RHOBTB1: variants seen among roughly 807,000 people sequenced by gnomAD.
RHOBTB1 encodes rho-related BTB domain-containing protein 1.
In RHOBTB1, 40 loss-of-function variants were observed where a neutral mutation model predicts 71.6. The observed-to-expected ratio is 0.56, with a 90% confidence interval of 0.43 to 0.73. RHOBTB1 has a LOEUF of 0.73. Ranked by LOEUF, RHOBTB1 falls within the 30% of genes least tolerant of loss-of-function variation. The pLI is 0.00. For synonymous variants in RHOBTB1, 319 were observed against 334.9 expected, an observed-to-expected ratio of 0.95 and a Z score of 0.52; for missense variants, 797 against 894.0, an observed-to-expected ratio of 0.89 and a Z score of 1.38.
chr10:60,937,668 A>C (rs1159952883), intron 2 of RHOBTB1, among the ~76,000 whole-genome samples: 1 of 152,214 alleles, frequency 6.6e-6, no homozygotes, highest in Admixed American at 6.5e-5. Flanking sequence ...TAGAGTGTGA[A>C]GAAAACAAGT....
At chr10:60,916,241 G>T (rs888465634) in intron 2 of RHOBTB1, among the ~76,000 whole-genome samples, 1 of 152,256 alleles carries the variant, frequency 6.6e-6, no homozygotes, top group South Asian at 2.1e-4. Context: ...CCACAAATCC[G>T]CCATGTGAGG....
At chr10:60,963,598 C>T (rs1351517047) in intron 2 of RHOBTB1, among the ~76,000 whole-genome samples, 1 of 152,122 alleles carries the variant, frequency 6.6e-6, no homozygotes, top group African/African-American at 2.4e-5. Flanking sequence ...ACCTTTAAAA[C>T]ATGAGGTCAT....
chr10:60,989,657 G>A (rs1279087844), intron 1 of RHOBTB1, among the ~76,000 whole-genome samples: 2 of 152,148 alleles, frequency 1.3e-5, no homozygotes, highest in African/African-American at 2.4e-5. Flanking sequence ...AGACAGTGAC[G>A]TCCACTTTGC....
chr10:60,924,955 C>T (rs1452924129), intron 2 of RHOBTB1, among the ~76,000 whole-genome samples: 4 of 152,170 alleles, frequency 2.6e-5, no homozygotes, highest in Non-Finnish European at 4.4e-5. Flanking sequence ...AGAGTTGGGG[C>T]TTGGTGGCAA....
chr10:60,915,494 T>C (rs897935557), intron 2 of RHOBTB1, among the ~76,000 whole-genome samples: 1 of 152,166 alleles, frequency 6.6e-6, no homozygotes, highest in Non-Finnish European at 1.5e-5. Flanking sequence ...TCTGCTACTA[T>C]GGCAGCTCTG....
At chr10:60,912,467 A>C (rs2083043470) in intron 2 of RHOBTB1, among the ~76,000 whole-genome samples, 1 of 152,106 alleles carries the variant, frequency 6.6e-6, no homozygotes, top group South Asian at 2.1e-4. Flanking sequence ...TCCTTATCTC[A>C]AGTGATCTCC....
intron 4 of RHOBTB1, among the ~76,000 whole-genome samples, chr10:60,899,771 A>G (rs1187496158): frequency 1.3e-5 from 2 of 152,246 alleles, no homozygotes; most frequent in Non-Finnish European, 2.9e-5. Flanking sequence ...TGATCTCATT[A>G]TGTTCACATT....
rs569657238 is a variant in RHOBTB1, at chr10:60,972,757, A to C, written c.-62+13088T>G. On this transcript the variant is annotated intron_variant, in intron 2 of 11. Transcript: ENST00000357917. ...CTAAGTATGATCATCAGCTTAGCAC[A>C]CAATACCAGTAGTGGTGGATTAAAT... Among the ~76,000 whole-genome samples, 265 of 152,234 alleles carry C rather than the reference A, an allele frequency of 1.7e-3. 1 individual carries two copies. Among genetic ancestry groups the C allele is most frequent in the African/African-American group, 5.6e-3 (233 of 41,578 alleles).
chr10:60,887,922 G>A (rs1306754488), intron 6 of RHOBTB1, among the ~76,000 whole-genome samples: 4 of 152,162 alleles, frequency 2.6e-5, no homozygotes, highest in Non-Finnish European at 5.9e-5. Flanking sequence ...ACCCACAAGA[G>A]CATGGGTTCA....
chr10:60,882,452 C>T (rs566509814), intron 7 of RHOBTB1, among the ~76,000 whole-genome samples: 2 of 152,168 alleles, frequency 1.3e-5, no homozygotes, highest in South Asian at 2.1e-4. Flanking sequence ...CTTACTGCTA[C>T]ATTAAAAGTA....
Position 60,933,096 on chromosome 10 carries a change from A to C in RHOBTB1, c.-11+8708T>G, listed in dbSNP as rs185342246. ...GTTTTCACAGCAACGTTAGACCATA[A>C]ATGCAAAAGTGCTGGTGGAAAATTA... On this transcript the variant is annotated intron_variant, in intron 2 of 10. Transcript: ENST00000337910. Among the ~76,000 whole-genome samples, 306 of 152,340 alleles carry C rather than the reference A, an allele frequency of 2.0e-3. 1 individual carries two copies. Among genetic ancestry groups the C allele is most frequent in the African/African-American group, 7.1e-3 (295 of 41,578 alleles).
upstream of RHOBTB1, among the ~76,000 whole-genome samples, chr10:60,944,494 C>T (rs961583137): frequency 1.3e-4 from 20 of 152,168 alleles, no homozygotes; most frequent in African/African-American, 4.1e-4. Flanking sequence ...CAAACCGACA[C>T]AGAGCATGGG....
At chr10:60,939,152 G>A (rs374806622) in intron 2 of RHOBTB1, among the ~76,000 whole-genome samples, 43 of 152,178 alleles carry the variant, frequency 2.8e-4, no homozygotes, top group African/African-American at 1.0e-3. Context: ...TTGCTAATTC[G>A]TTCTTTAGTG....
intron 2 of RHOBTB1, among the ~76,000 whole-genome samples, chr10:60,935,709 T>G (rs2084540035): frequency 6.6e-6 from 1 of 152,138 alleles, no homozygotes; most frequent in African/African-American, 2.4e-5. Context: ...TTACATAAAT[T>G]TACAATTAAA....
At chr10:60,873,167 G>A (rs186961014) in intron 9 of RHOBTB1, among the ~76,000 whole-genome samples, 78 of 152,334 alleles carry the variant, frequency 5.1e-4, no homozygotes, top group Admixed American at 1.6e-3. Context: ...GTTTTAGCTG[G>A]TGCTTCCAAC....
At position 60,911,529 on chromosome 10, in the gene RHOBTB1, A is replaced by G; in HGVS notation, c.14T>C (p.Met5Thr). The part of the protein sequence containing the change: MDAD[M>T]DYERPNVETI... ...TTCAACGTTGGGTCTTTCGTAGTCC[A>G]TGTCAGCGTCCATTTATGAAACTCT... Residue 5 changes from methionine to threonine, a missense_variant, in exon 3 of 11, where the codon ATG becomes ACG. Met to Thr is a moderately conservative substitution (Grantham distance 81). This residue lies in a region of RHOBTB1 where 139 missense variants were observed against 212.5 expected (regional missense o/e 0.65). Transcript: ENST00000337910. 6.2e-7 allele frequency: 1 copy of G among 1,614,082 alleles called. No individual in the cohort carries two copies. Among genetic ancestry groups the G allele is most frequent in the Non-Finnish European group, 8.5e-7 (1 of 1,179,988 alleles).
At chr10:60,948,826 G>A (rs757073250), upstream of RHOBTB1, among the ~76,000 whole-genome samples, 5 of 152,218 alleles carry the variant, frequency 3.3e-5, no homozygotes, top group Non-Finnish European at 7.3e-5. Context: ...TCCTAAAGAG[G>A]AAGAGGCTGG....
chr10:60,909,359 A>T lies in RHOBTB1; in HGVS notation c.296+1528T>A, dbSNP rs756223703. On this transcript the variant is annotated intron_variant, in intron 4 of 10. Coordinates refer to ENST00000337910, the MANE Select transcript of RHOBTB1 (RefSeq NM_014836.5). ...TTTTTTCACAGGTATTGACAAATGC[A>T]TAAATTTCTAGTGGCAACAAACCAC... 2.6e-5 allele frequency among the ~76,000 whole-genome samples: 4 copies of T among 152,160 alleles called. No homozygotes were observed. The South Asian group carries it at 8.3e-4, about 32-fold the overall frequency.
intron 1 of RHOBTB1, among the ~76,000 whole-genome samples, chr10:60,993,998 G>A (rs554216305): frequency 6.6e-6 from 1 of 152,098 alleles, no homozygotes; most frequent in South Asian, 2.1e-4. Flanking sequence ...GCAAAAAATT[G>A]TGTATGTAAA....
Sources: allele counts gnomAD v4.1 joint callset (sites outside exome capture counted in the v4.1 genomes callset), GRCh38; gene constraint gnomAD v4.1.1; regional missense constraint gnomAD v4.1.1; transcripts MANE v1.5; gene names NCBI Gene and HGNC (gene_info 2026-07-23, HGNC 2026-07-21).